The following NBEA variants were observed in gnomAD, a reference collection of about 807,000 sequenced individuals.
The protein encoded by NBEA is lysosomal-trafficking regulator 2.
NBEA carries 44 observed loss-of-function variants against 343.4 expected under a neutral mutation model. The ratio of observed to expected loss-of-function variants is 0.13; its 90% CI spans 0.10 to 0.16. The LOEUF (loss-of-function observed/expected upper bound fraction) is 0.16. NBEA is among the 10% of genes least tolerant of loss of function. NBEA has a pLI of 1.00. For missense variants in NBEA, 2,555 were observed against 3,631.3 expected (o/e 0.70, Z 7.62); for synonymous variants, 1,175 against 1,238.7 (o/e 0.95, Z 1.08).
chr13:35,180,434 T>G (rs1472142362), intron 28 of NBEA, among the ~76,000 whole-genome samples: 1 of 151,700 alleles, frequency 6.6e-6, no homozygotes, highest in Non-Finnish European at 1.5e-5. Flanking sequence ...ACATGCAGCT[T>G]GTTATATTTT....
intron 38 of NBEA, among the ~76,000 whole-genome samples, chr13:35,387,530 T>A (rs2042300035): frequency 6.6e-6 from 1 of 152,124 alleles, no homozygotes; most frequent in African/African-American, 2.4e-5. Flanking sequence ...ACTTTCTTAT[T>A]TATCAGGAAC....
At chr13:34,995,169 C>T (rs902734382) in intron 1 of NBEA, among the ~76,000 whole-genome samples, 2 of 152,140 alleles carry the variant, frequency 1.3e-5, no homozygotes, top group African/African-American at 4.8e-5. Context: ...AAAGGAAAAA[C>T]TGGCTGGGTG....
intron 38 of NBEA, among the ~76,000 whole-genome samples, chr13:35,387,372 G>A (rs890752940): frequency 6.6e-5 from 10 of 151,872 alleles, no homozygotes; most frequent in Admixed American, 2.0e-4. Flanking sequence ...TTTTCCTTGC[G>A]AATTGATTTT....
At chr13:35,257,414 T>G (rs2032737421) in intron 34 of NBEA, among the ~76,000 whole-genome samples, 1 of 152,326 alleles carries the variant, frequency 6.6e-6, no homozygotes, top group South Asian at 2.1e-4. Flanking sequence ...GGAGGTAACA[T>G]AAAATAGTCA....
intron 48 of NBEA, among the ~76,000 whole-genome samples, chr13:35,621,552 C>T (rs2082992091): frequency 6.6e-6 from 1 of 152,106 alleles, no homozygotes; most frequent in Non-Finnish European, 1.5e-5. Flanking sequence ...TGTTGGTCTC[C>T]TCCCAGTACA....
intron 39 of NBEA, among the ~76,000 whole-genome samples, chr13:35,440,737 A>G (rs1445428701): frequency 1.3e-5 from 2 of 152,216 alleles, no homozygotes; most frequent in Non-Finnish European, 2.9e-5. Context: ...GACAAACCAT[A>G]GAAATTAGGG....
At chr13:35,466,134 T>A (rs1372100065) in intron 40 of NBEA, among the ~76,000 whole-genome samples, 1 of 152,212 alleles carries the variant, frequency 6.6e-6, no homozygotes, top group Non-Finnish European at 1.5e-5. Flanking sequence ...TACTCTCATC[T>A]CAAAACACCT....
chr13:35,605,477 A>G (rs996483905), intron 47 of NBEA, among the ~76,000 whole-genome samples: 2 of 152,196 alleles, frequency 1.3e-5, no homozygotes, highest in Admixed American at 1.3e-4. Context: ...GTGAGATTTA[A>G]ATTTCAGATG....
chr13:35,218,514 G>A (rs1450327780), intron 33 of NBEA, among the ~76,000 whole-genome samples: 4 of 151,836 alleles, frequency 2.6e-5, no homozygotes, highest in African/African-American at 9.7e-5. Flanking sequence ...AACTTACAGT[G>A]CCACCCAGTA....
intron 36 of NBEA, 84 bp downstream of exon 36, chr13:35,309,676 A>G (rs2037225002): frequency 1.5e-6 from 1 of 687,144 alleles, no homozygotes; most frequent in Non-Finnish European, 2.4e-6. Context: ...ATCTGTTCCA[A>G]AAATGTAGAA....
chr13:35,536,814 A>G (rs532218634), intron 41 of NBEA, among the ~76,000 whole-genome samples: 1 of 152,200 alleles, frequency 6.6e-6, no homozygotes, highest in Non-Finnish European at 1.5e-5. Context: ...GCTGATAGCA[A>G]TGTGGCTCCA....
intron 48 of NBEA, among the ~76,000 whole-genome samples, chr13:35,621,854 C>T (rs73503135): frequency 0.03 from 4,595 of 152,218 alleles, 255 homozygotes; most frequent in African/African-American, 0.11. Flanking sequence ...TAGATAAAGT[C>T]CCTATCTTCA....
chr13:35,129,670 A>T (rs2067309225), intron 17 of NBEA, among the ~76,000 whole-genome samples: 1 of 152,110 alleles, frequency 6.6e-6, no homozygotes, highest in Admixed American at 6.6e-5. Context: ...AGTTATAGAA[A>T]AGGGGAAGAG....
intron 36 of NBEA, among the ~76,000 whole-genome samples, chr13:35,312,150 A>C (rs2037412525): frequency 6.6e-6 from 1 of 152,208 alleles, no homozygotes; most frequent in East Asian, 1.9e-4. Context: ...GGAAAGGCAA[A>C]CATTAGATGA....
At chr13:35,052,384 A>G (rs908137834) in intron 6 of NBEA, among the ~76,000 whole-genome samples, 1 of 152,026 alleles carries the variant, frequency 6.6e-6, no homozygotes, top group African/African-American at 2.4e-5. Flanking sequence ...CCTAATGGTA[A>G]TATGTGCTCT....
chr13:35,152,508 C>A (rs1427195605), intron 18 of NBEA, among the ~76,000 whole-genome samples: 1 of 152,108 alleles, frequency 6.6e-6, no homozygotes, highest in Admixed American at 6.6e-5. Context: ...CCTACTAATA[C>A]TACAAAATTT....
chr13:35,138,484 G>A (rs1355306095), intron 17 of NBEA, among the ~76,000 whole-genome samples: 1 of 148,828 alleles, frequency 6.7e-6, no homozygotes, highest in African/African-American at 2.5e-5. Context: ...TTTCGAGATG[G>A]AGTTTTGCTC....
At chr13:34,952,464 A>G (rs2059378576) in intron 1 of NBEA, among the ~76,000 whole-genome samples, 2 of 152,210 alleles carry the variant, frequency 1.3e-5, no homozygotes, top group South Asian at 4.1e-4. Context: ...ACTGGGTATA[A>G]TGTGGATACT....
intron 3 of NBEA, 122 bp downstream of exon 3, chr13:35,045,169 A>G (rs2062803590): frequency 8.3e-7 from 1 of 1,204,928 alleles, no homozygotes; most frequent in African/African-American, 1.6e-5. Context: ...TTCTTAAATG[A>G]TTTAGTAAAT....
Sources: allele counts gnomAD v4.1 joint callset (sites outside exome capture counted in the v4.1 genomes callset), GRCh38; gene constraint gnomAD v4.1.1; transcripts MANE v1.5; gene names NCBI Gene and HGNC (gene_info 2026-07-23, HGNC 2026-07-21).